Variants in ARHGAP32 observed in about 807,000 individuals in gnomAD.
ARHGAP32 encodes the protein Rho GTPase activating protein 32, also known as rho GTPase-activating protein 32.
In ARHGAP32, 51 loss-of-function variants were observed where a neutral mutation model predicts 186.5. That is an observed-to-expected ratio of 0.27 (90% CI 0.22 to 0.35). ARHGAP32 has a LOEUF of 0.35. ARHGAP32 is among the 10% of genes least tolerant of loss of function. ARHGAP32 has a pLI of 1.00. For missense variants in ARHGAP32, 2,186 were observed against 2,623.5 expected, an observed-to-expected ratio of 0.83 and a Z score of 3.64; for synonymous variants, 950 against 964.3, an observed-to-expected ratio of 0.99 and a Z score of 0.27.
At chr11:128,984,645 C>T (rs1945809335) in intron 15 of ARHGAP32, among the ~76,000 whole-genome samples, 1 of 151,916 alleles carries the variant, frequency 6.6e-6, no homozygotes, top group Admixed American at 6.6e-5. Flanking sequence ...CATTATAAAG[C>T]AGGAGATATA....
chr11:129,077,199 G>A (rs1204434732), intron 6 of ARHGAP32, among the ~76,000 whole-genome samples: 1 of 152,174 alleles, frequency 6.6e-6, no homozygotes, highest in East Asian at 1.9e-4. Context: ...CAGTGGAACT[G>A]GGGATAGACC....
intron 9 of ARHGAP32, among the ~76,000 whole-genome samples, chr11:129,062,593 T>C (rs945613733): frequency 1.3e-5 from 2 of 152,162 alleles, no homozygotes; most frequent in African/African-American, 4.8e-5. Flanking sequence ...CTAACACAGG[T>C]GCAGTAACTT....
chr11:128,992,038 G>T (rs1946070792), intron 12 of ARHGAP32, among the ~76,000 whole-genome samples: 2 of 152,112 alleles, frequency 1.3e-5, no homozygotes, highest in Non-Finnish European at 2.9e-5. Flanking sequence ...CAGGGAGATG[G>T]TTTCCAGGCT....
At chr11:129,026,184 T>A (rs1010261702) in intron 11 of ARHGAP32, among the ~76,000 whole-genome samples, 6 of 152,180 alleles carry the variant, frequency 3.9e-5, no homozygotes, top group African/African-American at 1.4e-4. Flanking sequence ...GTTTTGATAA[T>A]GTACTACTAT....
At chr11:129,008,999 T>A (rs1162723317) in intron 11 of ARHGAP32, among the ~76,000 whole-genome samples, 1 of 152,224 alleles carries the variant, frequency 6.6e-6, no homozygotes, top group East Asian at 1.9e-4. Flanking sequence ...TTTTTAGACA[T>A]CTTCCATATG....
At chr11:129,215,967 C>T (rs959080627) in intron 1 of ARHGAP32, among the ~76,000 whole-genome samples, 5 of 152,072 alleles carry the variant, frequency 3.3e-5, no homozygotes, top group African/African-American at 9.7e-5. Flanking sequence ...CAGAGGGGGT[C>T]TGGACACAGA....
intron 5 of ARHGAP32, among the ~76,000 whole-genome samples, chr11:129,108,601 T>A (rs1214788216): frequency 1.3e-5 from 2 of 152,150 alleles, no homozygotes; most frequent in African/African-American, 4.8e-5. Flanking sequence ...GTTGATCACC[T>A]CTCTATCTTC....
At chr11:129,082,471 C>T (rs1941249198) in intron 6 of ARHGAP32, among the ~76,000 whole-genome samples, 1 of 151,922 alleles carries the variant, frequency 6.6e-6, no homozygotes, top group Admixed American at 6.6e-5. Flanking sequence ...TGATCTTTGA[C>T]AAAGCAAATA....
chr11:129,169,089 T>C (rs576333406), intron 1 of ARHGAP32, among the ~76,000 whole-genome samples: 1 of 152,276 alleles, frequency 6.6e-6, no homozygotes, highest in South Asian at 2.1e-4. Flanking sequence ...CTTCTAAGCT[T>C]CTATCACAAG....
intron 10 of ARHGAP32, among the ~76,000 whole-genome samples, chr11:129,050,608 T>A (rs2135076685): frequency 6.6e-6 from 1 of 152,368 alleles, no homozygotes; most frequent in Admixed American, 6.5e-5. Flanking sequence ...CTAGTAAATA[T>A]GACTTCCAAA....
rs1271280326 is a variant in ARHGAP32, at chr11:128,969,791, T to C, written c.5422A>G (p.Ser1808Gly). 6.2e-7 allele frequency: 1 copy of C among 1,614,196 alleles called. No homozygotes were observed. Among genetic ancestry groups the C allele is most frequent in the African/African-American group, 1.3e-5 (1 of 75,062 alleles). The change falls in exon 23 of 23, where the codon AGT becomes GGT. Residue 1808 changes from serine (S) to glycine (G), a missense_variant. By Grantham distance (56) the Ser-to-Gly change is moderately conservative (BLOSUM62 0). Coordinates refer to ENST00000682385, the MANE Select transcript of ARHGAP32 (RefSeq NM_001378024.1). The surrounding 1 kb of genome is among the most constrained non-coding windows in gnomAD (Gnocchi z 4.8). ...LGGIYVIHLRSKSDPGKTGLL... is the reference protein window; with the variant it reads ...LGGIYVIHLRGKSDPGKTGLL... ...CCAGTTTTCCCAGGATCTGATTTAC[T>C]ACGCAGATGGATGACATAGATCCCA...
intron 6 of ARHGAP32, among the ~76,000 whole-genome samples, chr11:129,086,364 C>T (rs1216318029): frequency 6.6e-6 from 1 of 152,084 alleles, no homozygotes; most frequent in Non-Finnish European, 1.5e-5. Context: ...ATCTAGATGA[C>T]CTTAGTTACA....
intron 6 of ARHGAP32, among the ~76,000 whole-genome samples, chr11:129,069,588 A>T (rs1316662439): frequency 2.0e-5 from 3 of 152,054 alleles, no homozygotes; most frequent in Non-Finnish European, 4.4e-5. Flanking sequence ...TAGAGATCAA[A>T]GGTTGCTTTC....
At chr11:129,044,274 C>T (rs1939719118) in intron 10 of ARHGAP32, among the ~76,000 whole-genome samples, 1 of 152,114 alleles carries the variant, frequency 6.6e-6, no homozygotes, top group African/African-American at 2.4e-5. Flanking sequence ...GAGTAAAATG[C>T]ATTGATTTGT....
chr11:129,252,639 T>A (rs1945200364), intron 1 of ARHGAP32, among the ~76,000 whole-genome samples: 1 of 152,198 alleles, frequency 6.6e-6, no homozygotes. Context: ...TGGATTTGCA[T>A]ACAATTTTGC....
chr11:129,245,223 G>C (rs1473859161), intron 1 of ARHGAP32, among the ~76,000 whole-genome samples: 6 of 136,906 alleles, frequency 4.4e-5, no homozygotes, highest in African/African-American at 1.1e-4. Context: ...TGATAGACTG[G>C]ATTAAGAAAA....
At chr11:129,193,495 A>T (rs1163300698), upstream of ARHGAP32, among the ~76,000 whole-genome samples, 260 of 96,258 alleles carry the variant, frequency 2.7e-3, 2 homozygotes, top group African/African-American at 7.1e-3. Context: ...AAAAAAAAAA[A>T]AAAAATATAT....
At chr11:129,276,545 G>A (rs1041865345) in intron 1 of ARHGAP32, among the ~76,000 whole-genome samples, 1 of 152,112 alleles carries the variant, frequency 6.6e-6, no homozygotes, top group Non-Finnish European at 1.5e-5. Context: ...GGCCTCAAGG[G>A]ATCCTCCCAC....
At chr11:129,104,842 A>G (rs969669433) in intron 5 of ARHGAP32, among the ~76,000 whole-genome samples, 1 of 152,176 alleles carries the variant, frequency 6.6e-6, no homozygotes, top group East Asian at 1.9e-4. Context: ...AGAATAACCA[A>G]GAGATCACTG....
Sources: allele counts gnomAD v4.1 joint callset (sites outside exome capture counted in the v4.1 genomes callset), GRCh38; gene constraint gnomAD v4.1.1; non-coding constraint Gnocchi (gnomAD v3.1); transcripts MANE v1.5; gene names NCBI Gene and HGNC (gene_info 2026-07-23, HGNC 2026-07-21).